OPRM1: variants seen among roughly 807,000 people sequenced by gnomAD.
The protein encoded by OPRM1 is opioid receptor mu 1, also known as mu-type opioid receptor.
Under a neutral mutation model 31.8 loss-of-function variants are expected in OPRM1, and 27 were observed. The ratio of observed to expected loss-of-function variants is 0.85; its 90% CI spans 0.63 to 1.17. OPRM1 has a LOEUF of 1.17. Ranked by LOEUF, OPRM1 falls within the 50% of genes most tolerant of loss-of-function variation. The pLI, the probability that OPRM1 is intolerant of heterozygous loss-of-function variation, is 0.00. For synonymous variants in OPRM1, 196 were observed against 189.9 expected (o/e 1.03, Z -0.26); for missense variants, 536 against 511.1 (o/e 1.05, Z -0.47).
rs532147987 is a variant in OPRM1, at chr6:154,083,744, C to T, written c.291-6082C>T. On this transcript the variant is annotated intron_variant, in intron 1 of 3. Coordinates refer to ENST00000330432, the MANE Select transcript of OPRM1 (RefSeq NM_000914.5). ...GATCACGAGGTCAGGAGATCGAGAC[C>T]ATCCTGGCTACGACACGGTGAAACC... The T allele has an allele frequency of 5.9e-5, 9 of 152,504 alleles. No homozygotes were observed. The East Asian group carries it at 1.7e-3, about 29-fold the overall frequency. The allele number at this position is 152,504 out of a possible 1,614,324, so 9.4% of individuals were successfully genotyped here. A position where few individuals can be genotyped will look rare whatever the true frequency, so the allele number is the denominator to read the frequency against.
chr6:154,167,680 T>C (rs1799547855), intron 3 of OPRM1, among the ~76,000 whole-genome samples: 1 of 152,212 alleles, frequency 6.6e-6, no homozygotes, highest in African/African-American at 2.4e-5. Flanking sequence ...TGAAATTTTA[T>C]ATCAGAGTGA....
intron 3 of OPRM1, among the ~76,000 whole-genome samples, chr6:154,230,512 T>C (rs760668897): frequency 6.6e-6 from 1 of 152,190 alleles, no homozygotes; most frequent in Admixed American, 6.5e-5. Context: ...TTGGAAAATA[T>C]ACAAAATTAC....
At chr6:154,233,121 G>T (rs986944405) in intron 3 of OPRM1, among the ~76,000 whole-genome samples, 2 of 151,926 alleles carry the variant, frequency 1.3e-5, no homozygotes, top group Admixed American at 1.3e-4. Flanking sequence ...GGCATGTGCC[G>T]CCACGCCCAG....
At chr6:154,013,102 AT>A (rs1777818887) in intron 1 of OPRM1, among the ~76,000 whole-genome samples, 2 of 152,272 alleles carry the variant, frequency 1.3e-5, no homozygotes, top group African/African-American at 4.8e-5. Context: ...ATCCTTGATG[AT>A]TTAGGCCTGC....
intron 3 of OPRM1, among the ~76,000 whole-genome samples, chr6:154,185,968 C>T (rs1219067179): frequency 6.6e-6 from 1 of 152,194 alleles, no homozygotes; most frequent in East Asian, 1.9e-4. Context: ...TTTGGTTCCC[C>T]TTCTCCCTTA....
downstream of OPRM1, among the ~76,000 whole-genome samples, chr6:154,135,476 A>T (rs73576446): frequency 0.017 from 2,335 of 137,282 alleles, 57 homozygotes; most frequent in African/African-American, 0.058. Flanking sequence ...TGTAAAAAAA[A>T]ATATATAGAT....
At chr6:154,192,695 A>G (rs9478518) in intron 3 of OPRM1, among the ~76,000 whole-genome samples, 101,468 of 151,680 alleles carry the variant, frequency 0.67, 34,516 homozygotes, top group East Asian at 0.89. Flanking sequence ...CTATCAAAAA[A>G]TGGGCTAAGG....
chr6:154,243,698 A>G (rs995977384), intron 3 of OPRM1, among the ~76,000 whole-genome samples: 2 of 152,200 alleles, frequency 1.3e-5, no homozygotes, highest in African/African-American at 2.4e-5. Context: ...TGTGTCATGT[A>G]TCCTGGCCCG....
chr6:154,055,712 G>C (rs1783134118), intron 1 of OPRM1, among the ~76,000 whole-genome samples: 1 of 152,184 alleles, frequency 6.6e-6, no homozygotes, highest in African/African-American at 2.4e-5. Context: ...AGGACATGAT[G>C]ATGTGAAGAA....
In OPRM1 at chr6:154,125,591, T is replaced by C. The variant is rs543833028; in HGVS notation, c.*6870T>C. ...TCACATGCACTGTAATAGGAATGTT[T>C]AGCAAAAAAAACCTTCCAGAGAAAG... On this transcript the variant is annotated 3_prime_UTR_variant, in exon 4 of 4. Transcript: ENST00000330432. Among the ~76,000 whole-genome samples, 19 of 152,286 alleles carry C rather than the reference T, an allele frequency of 1.2e-4. No individual in the cohort carries two copies. Among genetic ancestry groups the C allele is most frequent in the African/African-American group, 4.6e-4 (19 of 41,564 alleles).
chr6:154,142,597 C>G (rs184629126), intron 3 of OPRM1, among the ~76,000 whole-genome samples: 1 of 152,136 alleles, frequency 6.6e-6, no homozygotes, highest in Non-Finnish European at 1.5e-5. Context: ...ATCCTAGATC[C>G]AAGGTCAAAC....
chr6:154,058,813 A>T (rs559565399), intron 1 of OPRM1, among the ~76,000 whole-genome samples: 1 of 152,298 alleles, frequency 6.6e-6, no homozygotes, highest in South Asian at 2.1e-4. Flanking sequence ...AATACACTAC[A>T]TTAAAAAATT....
At chr6:154,063,044 GA>G (rs2128439478) in intron 1 of OPRM1, among the ~76,000 whole-genome samples, 1 of 152,052 alleles carries the variant, frequency 6.6e-6, no homozygotes, top group South Asian at 2.1e-4. Flanking sequence ...TAAATCTCCA[GA>G]AAACACACAC....
intron 3 of OPRM1, among the ~76,000 whole-genome samples, chr6:154,143,883 G>C (rs1007471264): frequency 6.6e-6 from 1 of 152,008 alleles, no homozygotes; most frequent in African/African-American, 2.4e-5. Context: ...TAAAAAGGCA[G>C]TTATCTGACA....
chr6:154,174,005 G>A (rs1229350187), intron 3 of OPRM1, among the ~76,000 whole-genome samples: 2 of 152,146 alleles, frequency 1.3e-5, no homozygotes, highest in Admixed American at 6.5e-5. Context: ...AGAAGAGAGT[G>A]GGGGCCAATA....
At chr6:154,231,668 T>G (rs1039806606) in intron 3 of OPRM1, among the ~76,000 whole-genome samples, 1 of 152,146 alleles carries the variant, frequency 6.6e-6, no homozygotes, top group African/African-American at 2.4e-5. Context: ...TTTGACTCAA[T>G]ATACACACTT....
At chr6:154,218,213 T>C (rs1778567931) in intron 3 of OPRM1, among the ~76,000 whole-genome samples, 1 of 152,218 alleles carries the variant, frequency 6.6e-6, no homozygotes, top group South Asian at 2.1e-4. Flanking sequence ...GTATATTAAC[T>C]TGACGTGAAT....
At chr6:154,186,649 C>A (rs552687850) in intron 3 of OPRM1, among the ~76,000 whole-genome samples, 3 of 152,038 alleles carry the variant, frequency 2.0e-5, no homozygotes, top group Admixed American at 6.6e-5. Context: ...CTCCGCCTCC[C>A]GGGTTCGCGC....
intron 3 of OPRM1, among the ~76,000 whole-genome samples, chr6:154,162,338 T>C (rs1194592671): frequency 6.6e-6 from 1 of 152,192 alleles, no homozygotes; most frequent in Non-Finnish European, 1.5e-5. Flanking sequence ...ATGCTCTACT[T>C]TTTCCTGTCT....
Sources: allele counts gnomAD v4.1 joint callset (sites outside exome capture counted in the v4.1 genomes callset), GRCh38; gene constraint gnomAD v4.1.1; transcripts MANE v1.5; gene names NCBI Gene and HGNC (gene_info 2026-07-23, HGNC 2026-07-21).